Variants in C19orf81 observed in about 807,000 individuals in gnomAD.
C19orf81 encodes putative uncharacterized protein C19orf81.
A neutral mutation model predicts 22.1 loss-of-function variants in C19orf81; 19 were observed. That is an observed-to-expected ratio of 0.86 (90% CI 0.60 to 1.26). The LOEUF (loss-of-function observed/expected upper bound fraction) is 1.26, where lower values mean the gene tolerates loss of function less well. Ranked by LOEUF, C19orf81 falls within the 50% of genes most tolerant of loss-of-function variation. The probability of loss-of-function intolerance (pLI) is 0.00; values close to 1 mark genes in which losing one functional copy is unlikely to be tolerated. For missense variants in C19orf81, 287 were observed against 280.7 expected (o/e 1.02, Z -0.16); for synonymous variants, 108 against 113.1 (o/e 0.95, Z 0.29).
intron 3 of C19orf81, among the ~76,000 whole-genome samples, chr19:50,656,867 G>A (rs796543040): frequency 5.9e-5 from 9 of 151,900 alleles, no homozygotes; most frequent in African/African-American, 1.9e-4. Flanking sequence ...CAGGAGAATC[G>A]CTTGAACCTG....
chr19:50,653,636 A>G (rs1401632513), intron 1 of C19orf81, among the ~76,000 whole-genome samples: 4 of 151,052 alleles, frequency 2.6e-5, no homozygotes, highest in African/African-American at 9.7e-5. Flanking sequence ...ACCACTGACT[A>G]TAGTTAAACC....
At chr19:50,658,290 T>C (rs1319411649) in intron 4 of C19orf81, among the ~76,000 whole-genome samples, 162 bp downstream of exon 4, 1 of 134,320 alleles carries the variant, frequency 7.4e-6, no homozygotes, top group Non-Finnish European at 1.6e-5. Flanking sequence ...GTGGTTGGTG[T>C]AAGGGTGCTG....
Position 50,658,133 on chromosome 19 carries a change from G to A in C19orf81, c.401+5G>A, listed in dbSNP as rs1381533430. On this transcript the variant is annotated splice_donor_5th_base_variant and intron_variant, in intron 4 of 4. Transcript: ENST00000425202. ...GACTGCTGGGCGCCGGAACCGGTGA[G>A]TAAGCGGCGGGGGCGGGGCCTGGAG... The A allele has an allele frequency of 6.5e-7, 1 of 1,531,692 alleles. No individual in the cohort carries two copies. Among genetic ancestry groups the A allele is most frequent in the East Asian group, 2.5e-5 (1 of 40,800 alleles). The allele number at this position is 1,531,692 out of a possible 1,614,324, so 94.9% of individuals were successfully genotyped here.
At position 50,658,081 on chromosome 19, in the gene C19orf81, C is replaced by T. The variant is rs934002752; in HGVS notation, c.354C>T (p.Arg118=). ...AGAGCGGGCGCGTGAGCAGCATCCGCTTTGAGAACATGAACGTCATCTGTG... is the reference window on the plus strand; with the variant it reads ...AGAGCGGGCGCGTGAGCAGCATCCGTTTTGAGAACATGAACGTCATCTGTG... The part of the protein sequence containing the change: ...AMESGRVSSI[R]FENMNVICGT... The change falls in exon 4 of 5, where the codon CGC becomes CGT. Residue 118 remains arginine (R), a synonymous_variant. Transcript: ENST00000425202. The T allele has an allele frequency of 1.2e-5, 19 of 1,535,696 alleles. No homozygotes were observed. Among genetic ancestry groups the T allele is most frequent in the African/African-American group, 9.6e-5 (7 of 73,026 alleles).
Position 50,656,074 on chromosome 19 carries a change from C to T in C19orf81, c.92C>T (p.Thr31Ile), listed in dbSNP as rs192383921. 183 of 1,536,134 alleles carry T rather than the reference C, an allele frequency of 1.2e-4. 1 individual carries two copies. In the Middle Eastern group the frequency reaches 2.0e-3, roughly 17 times the overall value. Residue 31 changes from threonine to isoleucine, a missense_variant, in exon 2 of 5, where the codon ACC becomes ATC. Physicochemically the swap from Thr to Ile is moderately conservative, Grantham distance 89. Transcript: ENST00000425202. Reference protein sequence around the residue: ...KAGALLMDLETPEEMQARSLG... With the variant: ...KAGALLMDLEIPEEMQARSLG... ...GGAGCCCTCCTTATGGACCTGGAGA[C>T]CCCAGAGGAGATGCAGGCTCGGAGC...
At chr19:50,654,715 T>C (rs1431865389) in intron 1 of C19orf81, among the ~76,000 whole-genome samples, 1 of 151,154 alleles carries the variant, frequency 6.6e-6, no homozygotes, top group East Asian at 1.9e-4. Flanking sequence ...CTGCAACCTC[T>C]AACTCCTGGC....
intron 1 of C19orf81, 55 bp downstream of exon 1, chr19:50,649,566 G>A (rs760873260): frequency 1.3e-6 from 2 of 1,513,504 alleles, no homozygotes; most frequent in East Asian, 2.5e-5. Flanking sequence ...CAGGCAGTGC[G>A]TAGTAGCCCG....
chr19:50,658,648 T>TG (rs1288870983), intron 4 of C19orf81: 1 of 340,928 alleles, frequency 2.9e-6, no homozygotes, highest in East Asian at 4.7e-5. Flanking sequence ...GGGACAGGCC[T>TG]GGAGTGCCTA....
At chr19:50,652,040 T>C (rs998114148) in intron 1 of C19orf81, among the ~76,000 whole-genome samples, 2 of 152,134 alleles carry the variant, frequency 1.3e-5, no homozygotes, top group African/African-American at 2.4e-5. Flanking sequence ...CTGGCATGAA[T>C]TGACACCATT....
chr19:50,649,930 A>C (rs1984842353), intron 1 of C19orf81: 1 of 438,288 alleles, frequency 2.3e-6, no homozygotes, highest in Non-Finnish European at 4.6e-6. Flanking sequence ...CACCTCCCAC[A>C]ATTCCCTCCC....
intron 1 of C19orf81, among the ~76,000 whole-genome samples, chr19:50,651,184 A>G (rs1568420560): frequency 1.3e-5 from 2 of 152,174 alleles, no homozygotes; most frequent in African/African-American, 4.8e-5. Context: ...CATCTCACAG[A>G]TCATTCATAG....
At chr19:50,654,543 C>T (rs1467935864) in intron 1 of C19orf81, among the ~76,000 whole-genome samples, 3 of 151,926 alleles carry the variant, frequency 2.0e-5, no homozygotes, top group Admixed American at 6.6e-5. Context: ...GTGATCTGCC[C>T]GCTTCAGCCT....
chr19:50,655,720 A>G (rs894251268), intron 1 of C19orf81, among the ~76,000 whole-genome samples: 3 of 152,098 alleles, frequency 2.0e-5, no homozygotes, highest in Admixed American at 6.5e-5. Context: ...CACAGTGAAG[A>G]AGTAAGCCTG....
At chr19:50,656,957 AAAGG>A (rs1482318620) in intron 3 of C19orf81, among the ~76,000 whole-genome samples, 8 of 142,286 alleles carry the variant, frequency 5.6e-5, no homozygotes, top group Non-Finnish European at 9.0e-5. Flanking sequence ...GTCAAAAAAA[AAAGG>A]AAGGAAGAAA....
At chr19:50,658,243 C>A (rs1027343017) in intron 4 of C19orf81, 115 bp downstream of exon 4, 1 of 1,102,154 alleles carries the variant, frequency 9.1e-7, no homozygotes, top group Non-Finnish European at 1.3e-6. Flanking sequence ...AGAGTGAAAG[C>A]ATGAATGGGC....
chr19:50,655,910 G>T, intron 1 of C19orf81, 140 bp from the exon 2 acceptor site: 1 of 789,610 alleles, frequency 1.3e-6, no homozygotes, highest in Non-Finnish European at 2.1e-6. Flanking sequence ...GTGGAGTTTG[G>T]AGCTAAGAGA....
In C19orf81 at chr19:50,659,173, A is replaced by T. The variant is rs1221999779; in HGVS notation, c.*31A>T. ...GGGCGGGCCCCGGCAGCGCTTGCGC[A>T]CCGCCCCGCGGGCTGGGGCCACCCA... is the stretch of plus-strand genomic sequence containing the variant. On this transcript the variant is annotated 3_prime_UTR_variant, in exon 5 of 5. Transcript: ENST00000425202. 14 of 1,283,674 alleles carry T rather than the reference A, an allele frequency of 1.1e-5. No homozygotes were observed. In the South Asian group the frequency reaches 3.2e-4, roughly 29 times the overall value. 79.5% of individuals were successfully genotyped at this position (1,283,674 alleles called of 1,614,324 possible).
rs759774250 is a variant in C19orf81 at position 50,659,016 on chromosome 19, G to A, written c.471G>A (p.Gly157=). The A allele has an allele frequency of 1.0e-4, 160 of 1,529,162 alleles. No individual in the cohort carries two copies. The highest frequency in any genetic ancestry group is 5.0e-4 in the Middle Eastern group (3 of 5,978). The allele number at this position is 1,529,162 out of a possible 1,614,324, so 94.7% of individuals were successfully genotyped here. A position where few individuals can be genotyped will look rare whatever the true frequency, so the allele number is the denominator to read the frequency against. ...TGCGCTCCGGGCTCAGTCCCCGCGG[G>A]CTTGCGCACCAGATCGTGCGCCACG... ...RLLRSGLSPR[G]LAHQIVRHDD... The change falls in exon 5 of 5, where the codon GGG becomes GGA. Residue 157 remains glycine, a synonymous_variant. Transcript: ENST00000425202.
At chr19:50,650,826 C>A (rs1568420473) in intron 1 of C19orf81, among the ~76,000 whole-genome samples, 1 of 152,226 alleles carries the variant, frequency 6.6e-6, no homozygotes, top group Admixed American at 6.5e-5. Flanking sequence ...GCCTTTAGGT[C>A]TCTTTTAGTG....
Sources: gnomAD v4.1 joint callset for allele counts (sites outside exome capture counted in the v4.1 genomes callset) on GRCh38, gnomAD v4.1.1 for gene constraint, MANE v1.5 for transcripts, NCBI Gene and HGNC (gene_info 2026-07-23, HGNC 2026-07-21) for gene names.